The following SBF1 variants were observed in gnomAD, a reference collection of about 807,000 sequenced individuals.
SBF1 encodes the protein SET binding factor 1, also known as myotubularin-related protein 5.
Under a neutral mutation model 215.8 loss-of-function variants are expected in SBF1, and 65 were observed. That is an observed-to-expected ratio of 0.30 (90% confidence interval 0.25 to 0.37). The LOEUF is 0.37. SBF1 is among the 10% of genes least tolerant of loss of function. The pLI is 1.00. For missense variants in SBF1, 2,634 were observed against 2,667.8 expected (o/e 0.99, Z 0.28); for synonymous variants, 1,410 against 1,122.8 (o/e 1.26, Z -5.11).
In SBF1 at chr22:50,464,832, T is replaced by C; in HGVS notation, c.1418A>G (p.Gln473Arg). The C allele has an allele frequency of 6.2e-7, 1 of 1,613,714 alleles. No homozygotes were observed. Among genetic ancestry groups the C allele is most frequent in the East Asian group, 2.2e-5 (1 of 44,886 alleles). Reference protein sequence around the residue: ...VLRHVQELAEQLYKNENPYPA... With the variant: ...VLRHVQELAERLYKNENPYPA... ...CTACCCTCGTACGTTCTTGTAGAGC[T>C]GCTCTGCCAGTTCCTGGACGTGACG... The change falls in exon 13 of 41, where the codon CAG becomes CGG. Residue 473 changes from glutamine to arginine, a missense_variant. Gln to Arg is a conservative substitution (Grantham distance 43). Coordinates refer to ENST00000380817, the MANE Select transcript of SBF1 (RefSeq NM_002972.4).
Position 50,461,191 on chromosome 22 carries a change from C to G in SBF1, c.2935G>C (p.Asp979His). 1 of 1,609,880 alleles carries G rather than the reference C, an allele frequency of 6.2e-7. No homozygotes were observed. Among genetic ancestry groups the G allele is most frequent in the South Asian group, 1.1e-5 (1 of 90,936 alleles). The change falls in exon 23 of 41, where the codon GAC becomes CAC. Residue 979 changes from aspartate (D) to histidine (H), a missense_variant. Transcript: ENST00000380817. ...VQTPVDQLLQ[D>H]GLQLRSCTFQ... is the part of the protein sequence containing the mutation. ...GTGCAGGAGCGCAGCTGGAGCCCGT[C>G]CTGCAGGAGCTGGTCCACAGGGGTC...
chr22:50,474,742 C>G, intron 1 of SBF1, 44 bp downstream of exon 1: 2 of 1,444,482 alleles, frequency 1.4e-6, no homozygotes. Context: ...CCTCAGCACT[C>G]GACCCTCGGC....
rs2066821312 is a variant in SBF1 at position 50,446,465 on chromosome 22, A to G, written c.*677T>C. On this transcript the variant is annotated 3_prime_UTR_variant, in exon 41 of 41. Transcript: ENST00000380817. The stretch of plus-strand genomic sequence containing the variant: ...ACCTGCAACAGCCTTCTGGGGTCAA[A>G]TGACCACCCACCCTTTCACCCCCAA... The G allele has an allele frequency of 5.3e-6, 1 of 187,052 alleles. No individual in the cohort carries two copies. The highest frequency in any genetic ancestry group is 5.7e-5 in the Admixed American group (1 of 17,550). The allele number at this position is 187,052 out of a possible 1,614,324, so 11.6% of individuals were successfully genotyped here. A position where few individuals can be genotyped will look rare whatever the true frequency, so the allele number is the denominator to read the frequency against.
intron 1 of SBF1, among the ~76,000 whole-genome samples, chr22:50,468,684 G>A (rs1224493872): frequency 1.3e-5 from 2 of 151,954 alleles, no homozygotes; most frequent in Admixed American, 1.3e-4. Flanking sequence ...CCCATTCTCC[G>A]ATCCCACCCC....
Position 50,446,475 on chromosome 22 carries a change from A to G in SBF1, c.*667T>C, listed in dbSNP as rs149676235. The G allele has an allele frequency of 0.011, 2,128 of 194,354 alleles. 49 individuals are homozygous for G. Among genetic ancestry groups the G allele is most frequent in the East Asian group, 0.1 (670 of 6,694 alleles). 12.0% of individuals were successfully genotyped at this position (194,354 alleles called of 1,614,324 possible). On this transcript the variant is annotated 3_prime_UTR_variant, in exon 41 of 41. Transcript: ENST00000380817. The stretch of plus-strand genomic sequence containing the variant: ...GCCTTCTGGGGTCAAATGACCACCC[A>G]CCCTTTCACCCCCAAGCCTCTGTGA...
rs1370451908 is a variant in SBF1, at chr22:50,454,588, C to T, written c.4967G>A (p.Ser1656Asn). ...ACAGGGCCACACCACGCGGCGCCTGCTCTGGGGAGCGCCTCCATCAGACCG... is the reference window on the plus strand; with the variant it reads ...ACAGGGCCACACCACGCGGCGCCTGTTCTGGGGAGCGCCTCCATCAGACCG... ...EERSDGGAPQ[S>N]RRRVVWPCYD... The change falls in exon 36 of 41, where the codon AGC (serine) becomes AAC (asparagine). Residue 1656 changes from serine (S) to asparagine (N), a missense_variant. Ser to Asn is a conservative substitution (Grantham distance 46). Coordinates refer to ENST00000380817, the MANE Select transcript of SBF1 (RefSeq NM_002972.4). 8.7e-6 allele frequency: 14 copies of T among 1,610,692 alleles called. No individual in the cohort carries two copies. Among genetic ancestry groups the T allele is most frequent in the African/African-American group, 1.3e-5 (1 of 74,878 alleles).
chr22:50,447,040 T>TA lies in SBF1; in HGVS notation c.*101dup. ...AAGTGCTGGGGGCTCGGGGCCTCAA[T>TA]ACTGTCGAGGGCCGGGGCTGTAAAC... On this transcript the variant is annotated 3_prime_UTR_variant, in exon 41 of 41. Transcript: ENST00000380817. 9.5e-7 allele frequency: 1 copy of TA among 1,057,396 alleles called. No individual in the cohort carries two copies. The highest frequency in any genetic ancestry group is 1.4e-5 in the South Asian group (1 of 70,170). The allele number at this position is 1,057,396 out of a possible 1,614,324, so 65.5% of individuals were successfully genotyped here.
At chr22:50,470,057 C>T (rs1402693621) in intron 1 of SBF1, among the ~76,000 whole-genome samples, 4 of 151,872 alleles carry the variant, frequency 2.6e-5, no homozygotes, top group Non-Finnish European at 4.4e-5. Flanking sequence ...CAGGTGTCTG[C>T]GGGTGCCACA....
intron 36 of SBF1, among the ~76,000 whole-genome samples, chr22:50,450,999 T>C (rs2067022842): frequency 6.6e-6 from 1 of 151,940 alleles, no homozygotes; most frequent in Admixed American, 6.6e-5. Context: ...CATAATGGTT[T>C]ATCAGATGGG....
intron 1 of SBF1, among the ~76,000 whole-genome samples, chr22:50,474,292 T>C (rs1467563711): frequency 2.0e-5 from 3 of 152,184 alleles, no homozygotes; most frequent in Admixed American, 6.5e-5. Flanking sequence ...ACCCCCTCTT[T>C]GCACCCCGCC....
rs1227235340 is a variant in SBF1, at chr22:50,459,386, G to C, written c.3695C>G (p.Ser1232Cys). Residue 1232 changes from serine to cysteine, a missense_variant, in exon 28 of 41, where the codon TCC (serine) becomes TGC (cysteine). Physicochemically the swap from Ser to Cys is moderately radical, Grantham distance 112. Transcript: ENST00000380817. ...CTCCAGGCTACTCGAGTCCGCCTGGGACTGGCCTGGGGGAGGACACGGAGC... is the reference window on the plus strand; with the variant it reads ...CTCCAGGCTACTCGAGTCCGCCTGGCACTGGCCTGGGGGAGGACACGGAGC... ...KAQNAPSPGQ[S>C]QADSSSLEQE... 2.5e-6 allele frequency: 4 copies of C among 1,612,168 alleles called. No individual in the cohort carries two copies. Among genetic ancestry groups the C allele is most frequent in the Admixed American group, 1.7e-5 (1 of 59,962 alleles).
At chr22:50,472,045 G>A (rs1328185537) in intron 1 of SBF1, among the ~76,000 whole-genome samples, 13 of 152,332 alleles carry the variant, frequency 8.5e-5, no homozygotes, top group East Asian at 7.7e-4. Context: ...CACTGGCCAC[G>A]CTGTGATCAG....
At position 50,467,684 on chromosome 22, in the gene SBF1, T is replaced by A. The variant is rs1486703093; in HGVS notation, c.286A>T (p.Thr96Ser). The change falls in exon 4 of 41, where the codon ACG becomes TCG. Residue 96 changes from threonine to serine, a missense_variant. Physicochemically the swap from Thr to Ser is moderately conservative, Grantham distance 58. Transcript: ENST00000380817. ...CTCTCTGTGGCATCCTCCACGCGCG[T>A]CGTTTCCTGCTGGGGGTCAGGGGGA... ...WEPAEPSQETTRVEDATEREE... is the reference protein window; with the variant it reads ...WEPAEPSQETSRVEDATEREE... 1 of 1,575,494 alleles carries A rather than the reference T, an allele frequency of 6.3e-7. No individual in the cohort carries two copies. Among genetic ancestry groups the A allele is most frequent in the Non-Finnish European group, 8.6e-7 (1 of 1,158,818 alleles).
At position 50,464,362 on chromosome 22, in the gene SBF1, G is replaced by A. The variant is rs370719924; in HGVS notation, c.1716C>T (p.Tyr572=). 2.7e-5 allele frequency: 44 copies of A among 1,614,066 alleles called. No individual in the cohort carries two copies. The African/African-American group carries it at 3.3e-4, about 12-fold the overall frequency. ...RLEVVRNCIS[Y]VFEGKMLEAK... is the part of the protein sequence containing the mutation. ...CCTCAAGCATTTTCCCCTCAAACAC[G>A]TAGGAGATGCAGTTGCGCACAACCT... is the stretch of plus-strand genomic sequence containing the variant. The change falls in exon 15 of 41, where the codon TAC becomes TAT. Residue 572 remains tyrosine (Y), a synonymous_variant. Coordinates refer to ENST00000380817, the MANE Select transcript of SBF1 (RefSeq NM_002972.4).
chr22:50,469,201 G>T (rs1425818517), intron 1 of SBF1, among the ~76,000 whole-genome samples: 2 of 152,216 alleles, frequency 1.3e-5, no homozygotes, highest in African/African-American at 4.8e-5. Context: ...GCTCTCAGAG[G>T]AGAGTGGGAC....
chr22:50,449,103 C>T (rs537027242), intron 36 of SBF1, among the ~76,000 whole-genome samples: 23 of 151,286 alleles, frequency 1.5e-4, no homozygotes, highest in Non-Finnish European at 2.8e-4. Context: ...ACCTGGGAGG[C>T]GGAGGTTGCG....
chr22:50,471,113 C>T (rs1368010540), intron 1 of SBF1, among the ~76,000 whole-genome samples: 1 of 152,152 alleles, frequency 6.6e-6, no homozygotes, highest in African/African-American at 2.4e-5. Flanking sequence ...GGGAGGGTGC[C>T]CTCCCCACTC....
chr22:50,466,110 A>C (rs773059180), intron 8 of SBF1, 36 bp from the exon 9 acceptor site: 1 of 1,612,412 alleles, frequency 6.2e-7, no homozygotes, highest in South Asian at 1.1e-5. Context: ...AGGGACCTGC[A>C]GGCCTGGGCC....
chr22:50,461,000 C>T lies in SBF1; in HGVS notation c.2967+159G>A, dbSNP rs1438536755. Among the ~76,000 whole-genome samples the T allele has an allele frequency of 7.9e-5, 12 of 152,228 alleles. 1 individual carries two copies. The stretch of plus-strand genomic sequence containing the variant: ...CAAAGACCGCACATCAAACAGTGGA[C>T]ATCAACTCAAGAGCCACAGTGAGGG... On this transcript the variant is annotated intron_variant, in intron 23 of 40. Coordinates refer to ENST00000380817, the MANE Select transcript of SBF1 (RefSeq NM_002972.4).
Sources: allele counts gnomAD v4.1 joint callset (sites outside exome capture counted in the v4.1 genomes callset), GRCh38; gene constraint gnomAD v4.1.1; transcripts MANE v1.5; gene names NCBI Gene and HGNC (gene_info 2026-07-23, HGNC 2026-07-21).